ZFHX3: variants seen among roughly 807,000 people sequenced by gnomAD.
The protein encoded by ZFHX3 is zinc finger homeobox protein 3.
ZFHX3 carries 42 observed loss-of-function variants against 279.1 expected under a neutral mutation model. The observed-to-expected ratio is 0.15, with a 90% CI of 0.12 to 0.19. The LOEUF (loss-of-function observed/expected upper bound fraction) is 0.19, where lower values mean the gene tolerates loss of function less well. ZFHX3 is among the 10% of genes least tolerant of loss of function. The pLI, the probability that ZFHX3 is intolerant of heterozygous loss-of-function variation, is 1.00. For synonymous variants in ZFHX3, 2,293 were observed against 1,957.8 expected, an observed-to-expected ratio of 1.17 and a Z score of -4.52; for missense variants, 4,981 against 4,754.0, an observed-to-expected ratio of 1.05 and a Z score of -1.40.
At chr16:72,991,924 T>C (rs1277216039) in intron 1 of ZFHX3, among the ~76,000 whole-genome samples, 2 of 152,194 alleles carry the variant, frequency 1.3e-5, no homozygotes, top group African/African-American at 4.8e-5. Flanking sequence ...TCAGACACAA[T>C]TGCTCGGGAT....
intron 1 of ZFHX3, among the ~76,000 whole-genome samples, chr16:73,756,789 C>G (rs536327571): frequency 1.3e-5 from 2 of 150,150 alleles, no homozygotes; most frequent in East Asian, 4.0e-4. Context: ...TGAGTCTCCT[C>G]AAGCCCCTAT....
rs1192952941 is a variant in ZFHX3, at chr16:73,509,649, T to C, written c.-1546-53391A>G. ...AAGCGATTCTCCTGCCTCAGCCTCC[T>C]GAGTAGCTGGGATTATAGGCGCCCA... On this transcript the variant is annotated intron_variant, in intron 2 of 17. Transcript: ENST00000641206. Among the ~76,000 whole-genome samples the C allele has an allele frequency of 2.1e-3, 270 of 130,498 alleles. 3 individuals are homozygous for C. Among genetic ancestry groups the C allele is most frequent in the African/African-American group, 6.9e-3 (231 of 33,402 alleles). 85.6% of individuals were successfully genotyped at this position (130,498 alleles called of 152,430 possible).
chr16:73,517,330 T>C (rs1215098520), intron 2 of ZFHX3, among the ~76,000 whole-genome samples: 1 of 152,174 alleles, frequency 6.6e-6, no homozygotes, highest in Non-Finnish European at 1.5e-5. Flanking sequence ...CATCTCATGC[T>C]CCCTCAACAG....
chr16:73,887,310 C>G (rs1282744011), intron 1 of ZFHX3, among the ~76,000 whole-genome samples: 3 of 152,044 alleles, frequency 2.0e-5, no homozygotes, highest in Non-Finnish European at 4.4e-5. Flanking sequence ...AAAATGAACT[C>G]TAGTCTTAAT....
At chr16:72,920,091 T>C (rs917723887) in intron 3 of ZFHX3, among the ~76,000 whole-genome samples, 1 of 151,814 alleles carries the variant, frequency 6.6e-6, no homozygotes, top group Non-Finnish European at 1.5e-5. Flanking sequence ...CTGCGCCCGG[T>C]CCCTGCATCA....
upstream of ZFHX3, among the ~76,000 whole-genome samples, chr16:73,053,110 C>A (rs890240341): frequency 2.0e-5 from 3 of 152,040 alleles, no homozygotes; most frequent in Non-Finnish European, 4.4e-5. Context: ...ACCTAAAACC[C>A]ATCATTCTAT....
chr16:73,816,787 T>C (rs1960586168), intron 1 of ZFHX3, among the ~76,000 whole-genome samples: 1 of 152,236 alleles, frequency 6.6e-6, no homozygotes, highest in Middle Eastern at 3.4e-3. Flanking sequence ...GTAACGAAGA[T>C]GAACTGGATT....
At chr16:72,961,468 C>G (rs941684725) in intron 1 of ZFHX3, among the ~76,000 whole-genome samples, 1 of 152,304 alleles carries the variant, frequency 6.6e-6, no homozygotes, top group African/African-American at 2.4e-5. Context: ...TCGCAGAGCC[C>G]TGATCCTTTG....
chr16:72,891,426 C>T (rs922243411), intron 3 of ZFHX3, among the ~76,000 whole-genome samples: 1 of 152,220 alleles, frequency 6.6e-6, no homozygotes, highest in Non-Finnish European at 1.5e-5. Context: ...AACAACAAAA[C>T]TCACAATGTT....
At chr16:73,781,671 C>T (rs1213138781) in intron 1 of ZFHX3, among the ~76,000 whole-genome samples, 2 of 152,084 alleles carry the variant, frequency 1.3e-5, no homozygotes, top group Non-Finnish European at 2.9e-5. Context: ...CTGGAAGAAA[C>T]CATCTTTAAC....
intron 4 of ZFHX3, among the ~76,000 whole-genome samples, chr16:72,883,505 C>T (rs2038548421): frequency 6.6e-6 from 1 of 152,176 alleles, no homozygotes; most frequent in Admixed American, 6.5e-5. Flanking sequence ...AGACACCAGT[C>T]ACTAACTCCT....
rs529191934 is a variant in ZFHX3, at chr16:72,877,952, T to C, written c.3448+11779A>G. On this transcript the variant is annotated intron_variant, in intron 4 of 9. Coordinates refer to ENST00000268489, the MANE Select transcript of ZFHX3 (RefSeq NM_006885.4). ...ACCTGAACAGGGCAAGTCACAACTT[T>C]GGGAGGCTGAGGCAGGAGGATCACT... Among the ~76,000 whole-genome samples, 4 of 152,268 alleles carry C rather than the reference T, an allele frequency of 2.6e-5. No homozygotes were observed. In the South Asian group the frequency reaches 8.3e-4, roughly 32 times the overall value.
chr16:73,632,818 T>C (rs1033795725), intron 2 of ZFHX3, among the ~76,000 whole-genome samples: 15 of 152,238 alleles, frequency 9.9e-5, no homozygotes, highest in Admixed American at 1.3e-4. Flanking sequence ...GGCTTACGCC[T>C]GTAATCCCAG....
At chr16:73,506,185 G>T (rs991820944) in intron 2 of ZFHX3, among the ~76,000 whole-genome samples, 1 of 152,162 alleles carries the variant, frequency 6.6e-6, no homozygotes, top group Non-Finnish European at 1.5e-5. Context: ...TAAGTCATGC[G>T]CCTGGTCAGA....
At chr16:73,488,934 A>G (rs1231620096) in intron 2 of ZFHX3, among the ~76,000 whole-genome samples, 1 of 152,218 alleles carries the variant, frequency 6.6e-6, no homozygotes, top group Non-Finnish European at 1.5e-5. Flanking sequence ...AAATGGAACT[A>G]ATAATAGTTC....
chr16:73,605,764 C>T (rs950648725), intron 2 of ZFHX3, among the ~76,000 whole-genome samples: 5 of 151,934 alleles, frequency 3.3e-5, no homozygotes, highest in Admixed American at 1.3e-4. Flanking sequence ...ACAGTAAATA[C>T]CTGGGGCTTT....
At chr16:72,833,174 C>T (rs1202807783) in intron 4 of ZFHX3, among the ~76,000 whole-genome samples, 1 of 152,208 alleles carries the variant, frequency 6.6e-6, no homozygotes, top group Non-Finnish European at 1.5e-5. Context: ...CCTGGAAACA[C>T]GTGGGAACCA....
At chr16:73,324,001 G>A (rs2015630626) in intron 3 of ZFHX3, among the ~76,000 whole-genome samples, 1 of 152,238 alleles carries the variant, frequency 6.6e-6, no homozygotes, top group Admixed American at 6.5e-5. Context: ...CCTCCTGGCA[G>A]AGGCCTTTAC....
intron 2 of ZFHX3, among the ~76,000 whole-genome samples, chr16:73,496,216 C>G (rs1374368212): frequency 6.6e-6 from 1 of 152,232 alleles, no homozygotes; most frequent in South Asian, 2.1e-4. Flanking sequence ...GCACCCAATG[C>G]TTGGCCTTTT....
Sources: allele counts gnomAD v4.1 joint callset (sites outside exome capture counted in the v4.1 genomes callset), GRCh38; gene constraint gnomAD v4.1.1; transcripts MANE v1.5; gene names NCBI Gene and HGNC (gene_info 2026-07-23, HGNC 2026-07-21).